THEMIS: variants seen among roughly 807,000 people sequenced by gnomAD.
THEMIS encodes the protein thymocyte selection associated.
THEMIS carries 37 observed loss-of-function variants against 52.6 expected under a neutral mutation model. The ratio of observed to expected loss-of-function variants is 0.70; its 90% CI spans 0.54 to 0.93. The LOEUF is 0.93. Ranked by LOEUF, THEMIS falls within the 40% of genes least tolerant of loss-of-function variation. The pLI is 0.00. For missense variants in THEMIS, 808 were observed against 763.1 expected (o/e 1.06, Z -0.69); for synonymous variants, 292 against 272.7 (o/e 1.07, Z -0.70).
chr6:127,729,574 C>G (rs1424588076), intron 4 of THEMIS, among the ~76,000 whole-genome samples: 1 of 152,080 alleles, frequency 6.6e-6, no homozygotes, highest in Non-Finnish European at 1.5e-5. Flanking sequence ...AGTCCTTTTT[C>G]CAATGTGAGT....
downstream of THEMIS, among the ~76,000 whole-genome samples, chr6:127,703,547 A>G (rs1410804587): frequency 6.6e-6 from 1 of 152,140 alleles, no homozygotes; most frequent in Non-Finnish European, 1.5e-5. Context: ...AAATGACAAG[A>G]ATATGTTGAA....
At chr6:127,759,382 C>A (rs1462321495) in intron 4 of THEMIS, among the ~76,000 whole-genome samples, 1 of 152,154 alleles carries the variant, frequency 6.6e-6, no homozygotes, top group South Asian at 2.1e-4. Context: ...TCACTGGACT[C>A]ATATAAATTG....
At chr6:127,838,047 A>G (rs1778928710) in intron 2 of THEMIS, among the ~76,000 whole-genome samples, 1 of 152,084 alleles carries the variant, frequency 6.6e-6, no homozygotes, top group South Asian at 2.1e-4. Flanking sequence ...AAAGCTTTAA[A>G]CATTATAAAG....
At chr6:127,782,238 TG>T (rs1776770198) in intron 4 of THEMIS, among the ~76,000 whole-genome samples, 5 of 152,166 alleles carry the variant, frequency 3.3e-5, no homozygotes, top group South Asian at 2.1e-4. Flanking sequence ...TTGGGCTCCA[TG>T]GGGGTGGGAT....
At chr6:127,880,815 T>C (rs1390497542) in intron 1 of THEMIS, among the ~76,000 whole-genome samples, 3 of 152,150 alleles carry the variant, frequency 2.0e-5, no homozygotes, top group Non-Finnish European at 4.4e-5. Flanking sequence ...CCTAATAAGT[T>C]ATTTTTAAAA....
intron 4 of THEMIS, among the ~76,000 whole-genome samples, chr6:127,731,307 C>T (rs1456021762): frequency 6.6e-6 from 1 of 152,068 alleles, no homozygotes; most frequent in Non-Finnish European, 1.5e-5. Context: ...ATAATGGCTT[C>T]TCCAATGCAT....
chr6:127,744,485 A>G (rs1015781358), intron 4 of THEMIS, among the ~76,000 whole-genome samples: 3 of 152,040 alleles, frequency 2.0e-5, no homozygotes, highest in African/African-American at 7.2e-5. Flanking sequence ...ACAATGAAAT[A>G]TTATTCAGCC....
intron 5 of THEMIS, among the ~76,000 whole-genome samples, chr6:127,716,185 T>C (rs904445284): frequency 6.6e-6 from 1 of 151,938 alleles, no homozygotes; most frequent in African/African-American, 2.4e-5. Flanking sequence ...TTTATGTTTA[T>C]GTAGGACAAA....
chr6:127,821,865 T>C (rs966657826), intron 3 of THEMIS, among the ~76,000 whole-genome samples: 1 of 152,024 alleles, frequency 6.6e-6, no homozygotes, highest in African/African-American at 2.4e-5. Flanking sequence ...TCCTTTGCAA[T>C]TGGACCTAAA....
intron 1 of THEMIS, among the ~76,000 whole-genome samples, chr6:127,912,184 T>C (rs1781428173): frequency 6.6e-6 from 1 of 152,164 alleles, no homozygotes; most frequent in Admixed American, 6.5e-5. Flanking sequence ...GACTGCCCTA[T>C]TGGATTTTAG....
upstream of THEMIS, chr6:127,901,114 G>A (rs1341802577): frequency 1.5e-5 from 9 of 586,386 alleles, no homozygotes; most frequent in South Asian, 4.2e-5. Context: ...AGGGAGGGGG[G>A]AAGCAGGAGA....
chr6:127,729,880 C>G (rs1235306029), intron 4 of THEMIS, among the ~76,000 whole-genome samples: 1 of 152,178 alleles, frequency 6.6e-6, no homozygotes, highest in African/African-American at 2.4e-5. Flanking sequence ...CACTCTAAGT[C>G]ATGATGCATA....
At chr6:127,734,348 T>C (rs1015972058) in intron 4 of THEMIS, among the ~76,000 whole-genome samples, 1 of 152,180 alleles carries the variant, frequency 6.6e-6, no homozygotes, top group East Asian at 1.9e-4. Flanking sequence ...GAAATGATAT[T>C]TGTTTTGTTT....
chr6:127,903,061 A>G (rs1427381947), upstream of THEMIS, among the ~76,000 whole-genome samples: 1 of 152,074 alleles, frequency 6.6e-6, no homozygotes, highest in Admixed American at 6.6e-5. Context: ...TCTCAGTCTT[A>G]ATTAATGACA....
intron 4 of THEMIS, among the ~76,000 whole-genome samples, chr6:127,736,908 A>G (rs1775028702): frequency 6.6e-6 from 1 of 152,112 alleles, no homozygotes; most frequent in Admixed American, 6.6e-5. Context: ...TGTCATAGAA[A>G]AGGTAAAATA....
intron 5 of THEMIS, among the ~76,000 whole-genome samples, chr6:127,714,598 A>C (rs1774094938): frequency 6.6e-6 from 1 of 151,874 alleles, no homozygotes; most frequent in South Asian, 2.1e-4. Flanking sequence ...AAAGCACAAG[A>C]ACTTTCCTGT....
intron 1 of THEMIS, among the ~76,000 whole-genome samples, chr6:127,899,502 G>A (rs780298078): frequency 7.2e-5 from 11 of 151,782 alleles, no homozygotes; most frequent in Non-Finnish European, 1.3e-4. Context: ...AATCAATGGC[G>A]GAAAGATTGT....
At chr6:127,854,610 C>T (rs1779553712) in intron 2 of THEMIS, among the ~76,000 whole-genome samples, 1 of 151,778 alleles carries the variant, frequency 6.6e-6, no homozygotes, top group Non-Finnish European at 1.5e-5. Context: ...TAATATTAGA[C>T]AGGCAAGGTC....
At chr6:127,879,343 C>G (rs1325929610) in intron 1 of THEMIS, among the ~76,000 whole-genome samples, 1 of 152,078 alleles carries the variant, frequency 6.6e-6, no homozygotes, top group Non-Finnish European at 1.5e-5. Flanking sequence ...ATTGTGTGAT[C>G]TTTATTGCTC....
Sources: allele counts gnomAD v4.1 joint callset (sites outside exome capture counted in the v4.1 genomes callset), GRCh38; gene constraint gnomAD v4.1.1; transcripts MANE v1.5; gene names NCBI Gene and HGNC (gene_info 2026-07-23, HGNC 2026-07-21).